Variants in FRMPD4 observed in about 807,000 individuals in gnomAD.
FRMPD4 encodes the protein FERM and PDZ domain containing 4.
A neutral mutation model predicts 94.1 loss-of-function variants in FRMPD4; 22 were observed. The observed-to-expected ratio is 0.23, with a 90% CI of 0.17 to 0.33. The LOEUF (loss-of-function observed/expected upper bound fraction) is 0.33, where lower values mean the gene tolerates loss of function less well. FRMPD4 is among the 10% of genes least tolerant of loss of function. The probability of loss-of-function intolerance (pLI) is 1.00; values close to 1 mark genes in which losing one functional copy is unlikely to be tolerated. For synonymous variants in FRMPD4, 631 were observed against 548.6 expected (o/e 1.15, Z -2.10); for missense variants, 1,111 against 1,339.9 (o/e 0.83, Z 2.67).
intron 2 of FRMPD4, among the ~76,000 whole-genome samples, chrX:12,609,113 G>A (rs1188740527): frequency 8.9e-6 from 1 of 112,182 alleles, no homozygotes; most frequent in Non-Finnish European, 1.9e-5. Flanking sequence ...AAGTCATAGG[G>A]AAGAGAAAAT....
At chrX:11,912,678 A>AT (rs768797764) in intron 3 of FRMPD4, among the ~76,000 whole-genome samples, 1 of 111,237 alleles carries the variant, frequency 9.0e-6, no homozygotes, top group Non-Finnish European at 1.9e-5. Context: ...CAATACTTGT[A>AT]TTTTTTTAAA....
chrX:11,856,559 AAAT>A (rs1331378141), intron 1 of FRMPD4, among the ~76,000 whole-genome samples: 2 of 111,942 alleles, frequency 1.8e-5, no homozygotes, highest in Non-Finnish European at 3.8e-5. Context: ...GTGTACTTCA[AAAT>A]AATAAGAGCC....
chrX:11,856,077 G>A (rs2053651827), intron 1 of FRMPD4, among the ~76,000 whole-genome samples: 1 of 111,843 alleles, frequency 8.9e-6, no homozygotes, highest in African/African-American at 3.3e-5. Flanking sequence ...TCACAGGGTG[G>A]CAGGGGAGAT....
chrX:12,394,970 C>T (rs1378546026), intron 1 of FRMPD4, among the ~76,000 whole-genome samples: 1 of 111,771 alleles, frequency 8.9e-6, no homozygotes, highest in African/African-American at 3.3e-5. Context: ...CACGTGCTCC[C>T]AGCGTGTACT....
chrX:11,855,426 G>GA (rs2053648520), intron 1 of FRMPD4, among the ~76,000 whole-genome samples: 1 of 112,118 alleles, frequency 8.9e-6, no homozygotes, highest in Non-Finnish European at 1.9e-5. Flanking sequence ...CCAGAAAATG[G>GA]ATTTTTCTTT....
intron 3 of FRMPD4, among the ~76,000 whole-genome samples, chrX:11,958,080 T>G (rs924091103): frequency 4.5e-5 from 5 of 112,145 alleles, no homozygotes; most frequent in African/African-American, 1.6e-4. Flanking sequence ...ACATTGATTT[T>G]CAAACCTGGT....
intron 3 of FRMPD4, among the ~76,000 whole-genome samples, chrX:12,116,666 A>G (rs1278780645): frequency 1.8e-5 from 2 of 111,735 alleles, no homozygotes; most frequent in East Asian, 5.6e-4. Context: ...TAATTTTCTC[A>G]TGGGACTCAA....
Position 12,312,910 on chromosome X carries a change from T to A in FRMPD4, c.41+173898T>A, listed in dbSNP as rs190225122. ...GTAATAATTGAGTACGCACCCATGCTGCAATGAGAGGACAAAAGGAGGGAG... is the reference window on the plus strand; with the variant it reads ...GTAATAATTGAGTACGCACCCATGCAGCAATGAGAGGACAAAAGGAGGGAG... On this transcript the variant is annotated intron_variant, in intron 1 of 16. Coordinates refer to ENST00000675598, the MANE Select transcript of FRMPD4 (RefSeq NM_001368397.1). Among the ~76,000 whole-genome samples the A allele has an allele frequency of 4.8e-3, 539 of 111,211 alleles. 1 individual carries two copies. Among genetic ancestry groups the A allele is most frequent in the African/African-American group, 0.017 (527 of 30,556 alleles).
chrX:12,642,760 G>A (rs2059511636), intron 4 of FRMPD4, among the ~76,000 whole-genome samples: 1 of 112,173 alleles, frequency 8.9e-6, no homozygotes, highest in African/African-American at 3.2e-5. Context: ...AAAATTAGCA[G>A]CGTGTTGTGG....
intron 9 of FRMPD4, among the ~76,000 whole-genome samples, chrX:12,698,196 T>C (rs1176911583): frequency 1.8e-5 from 2 of 112,136 alleles, no homozygotes; most frequent in African/African-American, 3.2e-5. Flanking sequence ...AGATGAATCA[T>C]GAAAACAGAA....
In FRMPD4 at chrX:11,852,670, C is replaced by A. The variant is rs180834269; in HGVS notation, c.-160-12416C>A. On this transcript the variant is annotated intron_variant, in intron 1 of 18. Transcript: ENST00000640291. ...TCCAAAAAGACAAAAAAGGGAATTACATAATGGTAAAGCATTCAATTCAAC... is the reference window on the plus strand; with the variant it reads ...TCCAAAAAGACAAAAAAGGGAATTAAATAATGGTAAAGCATTCAATTCAAC... Among the ~76,000 whole-genome samples the A allele has an allele frequency of 2.4e-3, 264 of 110,769 alleles. 2 individuals carry two copies. Among genetic ancestry groups the A allele is most frequent in the African/African-American group, 8.4e-3 (255 of 30,446 alleles).
chrX:11,980,875 A>G (rs1288485163), intron 3 of FRMPD4, among the ~76,000 whole-genome samples: 1 of 109,906 alleles, frequency 9.1e-6, no homozygotes, highest in Non-Finnish European at 1.9e-5. Flanking sequence ...TTTTCTGGTT[A>G]TCCTTGTTAC....
intron 1 of FRMPD4, among the ~76,000 whole-genome samples, chrX:12,429,056 T>A (rs1170788911): frequency 9.0e-6 from 1 of 111,730 alleles, no homozygotes; most frequent in Non-Finnish European, 1.9e-5. Flanking sequence ...AGCATTTCTA[T>A]TTTTCTGGGG....
intron 1 of FRMPD4, among the ~76,000 whole-genome samples, chrX:12,178,341 C>A (rs1171852315): frequency 9.0e-6 from 1 of 111,713 alleles, no homozygotes; most frequent in Non-Finnish European, 1.9e-5. Flanking sequence ...AACTAAGACA[C>A]CTACCATGAG....
chrX:12,280,733 A>G (rs1160262865), intron 1 of FRMPD4, among the ~76,000 whole-genome samples: 1 of 111,027 alleles, frequency 9.0e-6, no homozygotes, highest in African/African-American at 3.3e-5. Context: ...TTACTACTCT[A>G]TGACTTCAGA....
At chrX:12,122,241 A>C (rs1195769029) in intron 3 of FRMPD4, among the ~76,000 whole-genome samples, 1 of 111,616 alleles carries the variant, frequency 9.0e-6, no homozygotes, top group Admixed American at 9.5e-5. Flanking sequence ...TGTACTAGGA[A>C]GGGCAGGGAA....
chrX:11,990,390 G>A (rs769325239), intron 3 of FRMPD4, among the ~76,000 whole-genome samples: 1 of 112,070 alleles, frequency 8.9e-6, no homozygotes, highest in Non-Finnish European at 1.9e-5. Flanking sequence ...TGTGGTGGTT[G>A]CATAACATTG....
intron 1 of FRMPD4, among the ~76,000 whole-genome samples, chrX:12,174,885 G>A (rs112137408): frequency 1.4e-4 from 16 of 112,107 alleles, no homozygotes; most frequent in African/African-American, 5.2e-4. Flanking sequence ...TTTTAAAAAT[G>A]TAAGTCAACT....
chrX:12,142,523 A>G (rs990616859), intron 1 of FRMPD4, among the ~76,000 whole-genome samples: 1 of 111,529 alleles, frequency 9.0e-6, no homozygotes, highest in African/African-American at 3.3e-5. Flanking sequence ...GAGGCTAGCA[A>G]TGAAAAAACC....
Sources: allele counts gnomAD v4.1 joint callset (sites outside exome capture counted in the v4.1 genomes callset), GRCh38; gene constraint gnomAD v4.1.1; transcripts MANE v1.5; gene names NCBI Gene and HGNC (gene_info 2026-07-23, HGNC 2026-07-21).